Variants in CMTM8 observed in about 807,000 individuals in gnomAD.
CMTM8 encodes CKLF-like MARVEL transmembrane domain-containing protein 8.
In CMTM8, 12 loss-of-function variants were observed where a neutral mutation model predicts 18.6. That is an observed-to-expected ratio of 0.65 (90% confidence interval 0.41 to 1.05). The LOEUF is 1.05. Among genes scored for constraint, CMTM8 ranks in the 50% least tolerant of loss-of-function variants. CMTM8 has a pLI of 0.00. For synonymous variants in CMTM8, 87 were observed against 90.6 expected (o/e 0.96, Z 0.23); for missense variants, 217 against 227.2 (o/e 0.95, Z 0.29).
chr3:32,319,075 T>TATATATATATATATA (rs1553605531), intron 1 of CMTM8, among the ~76,000 whole-genome samples: 9 of 25,250 alleles, frequency 3.6e-4, no homozygotes, highest in African/African-American at 1.1e-3. Flanking sequence ...TATATATATA[T>TATATATATATATATA]TTTTTTTTTT....
At position 32,339,969 on chromosome 3, in the gene CMTM8, T is replaced by A. The variant is rs180979782; in HGVS notation, c.148-17404T>A. ...CAGAGTGAGACTCCATCTCAAAAAA[T>A]AAATAAATAAATAAAAAGAACTTTG... On this transcript the variant is annotated intron_variant, in intron 1 of 3. Coordinates refer to ENST00000307526, the MANE Select transcript of CMTM8 (RefSeq NM_178868.5). Among the ~76,000 whole-genome samples, 210 of 152,108 alleles carry A rather than the reference T, an allele frequency of 1.4e-3. 1 individual carries two copies. The highest frequency in any genetic ancestry group is 2.0e-3 in the Non-Finnish European group (139 of 67,962).
intron 1 of CMTM8, among the ~76,000 whole-genome samples, chr3:32,301,571 A>G (rs943797834): frequency 2.0e-5 from 3 of 152,090 alleles, no homozygotes; most frequent in Non-Finnish European, 4.4e-5. Flanking sequence ...TAGGGGAGAC[A>G]CAGCCCTTGG....
intron 1 of CMTM8, among the ~76,000 whole-genome samples, chr3:32,296,864 T>C (rs1702888406): frequency 6.6e-6 from 1 of 152,172 alleles, no homozygotes; most frequent in Non-Finnish European, 1.5e-5. Flanking sequence ...TGTGTGTTAT[T>C]GTGGCTGATG....
intron 1 of CMTM8, among the ~76,000 whole-genome samples, chr3:32,328,504 C>T (rs1298302377): frequency 6.9e-6 from 1 of 143,890 alleles, no homozygotes; most frequent in Non-Finnish European, 1.5e-5. Context: ...GAGCTCTGAT[C>T]GTGCCACTGC....
chr3:32,323,824 C>T (rs532487227), intron 1 of CMTM8, among the ~76,000 whole-genome samples: 34 of 152,294 alleles, frequency 2.2e-4, no homozygotes, highest in Admixed American at 3.9e-4. Flanking sequence ...ACTTTGAAAA[C>T]GTGGATAAAA....
At chr3:32,298,504 C>T (rs984325498) in intron 1 of CMTM8, among the ~76,000 whole-genome samples, 24 of 146,706 alleles carry the variant, frequency 1.6e-4, no homozygotes, top group African/African-American at 5.6e-4. Context: ...AGAATGAGCA[C>T]TCTTGGTCTC....
chr3:32,261,072 A>G (rs1702250599), intron 1 of CMTM8, among the ~76,000 whole-genome samples: 1 of 152,068 alleles, frequency 6.6e-6, no homozygotes, highest in African/African-American at 2.4e-5. Context: ...AAATTTAAAA[A>G]TGAGCCAGGT....
intron 1 of CMTM8, among the ~76,000 whole-genome samples, chr3:32,349,079 G>A (rs1239873470): frequency 6.6e-6 from 1 of 151,870 alleles, no homozygotes; most frequent in Admixed American, 6.6e-5. Flanking sequence ...TGATTTTGGG[G>A]TGGGAAATGT....
At chr3:32,354,762 C>T (rs1559388126) in intron 1 of CMTM8, among the ~76,000 whole-genome samples, 1 of 152,186 alleles carries the variant, frequency 6.6e-6, no homozygotes, top group African/African-American at 2.4e-5. Flanking sequence ...TGAAATGTTT[C>T]AGACGCTGCC....
intron 1 of CMTM8, among the ~76,000 whole-genome samples, chr3:32,254,465 A>G (rs1203061347): frequency 6.6e-6 from 1 of 152,246 alleles, no homozygotes; most frequent in Non-Finnish European, 1.5e-5. Context: ...TGGAAATTTA[A>G]CACATTTATA....
chr3:32,284,678 T>G (rs970749895), intron 1 of CMTM8, among the ~76,000 whole-genome samples: 10 of 152,356 alleles, frequency 6.6e-5, no homozygotes, highest in South Asian at 4.1e-4. Context: ...TGTTCATCTT[T>G]GTACTCCAGT....
intron 1 of CMTM8, among the ~76,000 whole-genome samples, chr3:32,330,185 A>G (rs965146173): frequency 1.5e-4 from 22 of 146,738 alleles, no homozygotes; most frequent in Non-Finnish European, 3.0e-4. Context: ...TCCCAGTCAA[A>G]ATCCCAGTGG....
rs765094764 is a variant in CMTM8 at position 32,369,914 on chromosome 3, G to T, written c.469G>T (p.Ala157Ser). 4.4e-5 allele frequency: 71 copies of T among 1,608,760 alleles called. No homozygotes were observed. The highest frequency in any genetic ancestry group is 6.0e-5 in the Non-Finnish European group (71 of 1,176,182). The change falls in exon 4 of 4, where the codon GCT becomes TCT. Residue 157 changes from alanine (A) to serine (S), a missense_variant. Coordinates refer to ENST00000307526, the MANE Select transcript of CMTM8 (RefSeq NM_178868.5). ...FFAFLVTICY[A>S]GNTYFSFIAW... ...TGCCTTCCTGGTCACCATCTGCTACGCTGGAAATACATATTTCAGTTTTAT... is the reference window on the plus strand; with the variant it reads ...TGCCTTCCTGGTCACCATCTGCTACTCTGGAAATACATATTTCAGTTTTAT...
chr3:32,322,900 G>A (rs559521296), intron 1 of CMTM8, among the ~76,000 whole-genome samples: 120 of 152,290 alleles, frequency 7.9e-4, no homozygotes, highest in African/African-American at 2.8e-3. Context: ...TGACATCTTG[G>A]AAGATCTTGG....
intron 1 of CMTM8, among the ~76,000 whole-genome samples, chr3:32,344,986 G>A (rs2125591460): frequency 6.6e-6 from 1 of 152,296 alleles, no homozygotes; most frequent in South Asian, 2.1e-4. Context: ...AAAGGACAGA[G>A]GAGGGCAGTT....
At chr3:32,336,690 T>G (rs1009294054) in intron 1 of CMTM8, among the ~76,000 whole-genome samples, 10 of 152,176 alleles carry the variant, frequency 6.6e-5, no homozygotes, top group Non-Finnish European at 1.5e-4. Context: ...GAAGGAGCTG[T>G]TTTTATAGGG....
chr3:32,292,843 T>A (rs900346564), intron 1 of CMTM8, among the ~76,000 whole-genome samples: 2 of 152,112 alleles, frequency 1.3e-5, no homozygotes, highest in Non-Finnish European at 2.9e-5. Flanking sequence ...CAAAATCACC[T>A]GTAGTTGAAA....
At chr3:32,316,590 T>C (rs1052459822) in intron 1 of CMTM8, among the ~76,000 whole-genome samples, 7 of 152,212 alleles carry the variant, frequency 4.6e-5, no homozygotes, top group African/African-American at 1.7e-4. Flanking sequence ...GATGGAGATG[T>C]TGAATCAATT....
At chr3:32,362,049 T>TTTC (rs1057094217) in intron 2 of CMTM8, among the ~76,000 whole-genome samples, 1 of 142,084 alleles carries the variant, frequency 7.0e-6, no homozygotes, top group African/African-American at 2.6e-5. Flanking sequence ...TTCTTTTCTT[T>TTTC]TTTTTTTTGG....
Sources: allele counts gnomAD v4.1 joint callset (sites outside exome capture counted in the v4.1 genomes callset), GRCh38; gene constraint gnomAD v4.1.1; transcripts MANE v1.5; gene names NCBI Gene and HGNC (gene_info 2026-07-23, HGNC 2026-07-21).